Variants in NAV3 observed in about 807,000 individuals in gnomAD.
NAV3 encodes the protein neuron navigator 3.
In NAV3, 87 loss-of-function variants were observed where a neutral mutation model predicts 244.7. That is an observed-to-expected ratio of 0.36 (90% CI 0.30 to 0.42). The LOEUF is 0.42. Among genes scored for constraint, NAV3 ranks in the 20% least tolerant of loss-of-function variants. The pLI is 1.00. For missense variants in NAV3, 2,663 were observed against 2,893.3 expected (o/e 0.92, Z 1.83); for synonymous variants, 1,126 against 1,042.2 (o/e 1.08, Z -1.55).
chr12:77,572,877 A>G (rs1868893822), intron 2 of NAV3, among the ~76,000 whole-genome samples: 1 of 151,326 alleles, frequency 6.6e-6, no homozygotes, highest in Non-Finnish European at 1.5e-5. Flanking sequence ...TGGGGATTGA[A>G]TACTAAGGGA....
At chr12:77,971,323 T>A (rs989672943) in intron 5 of NAV3, among the ~76,000 whole-genome samples, 9 of 152,138 alleles carry the variant, frequency 5.9e-5, no homozygotes, top group Admixed American at 1.3e-4. Context: ...TATAATTTAA[T>A]AAATGTTTAT....
chr12:77,937,534 A>G (rs555112515), intron 1 of NAV3, among the ~76,000 whole-genome samples: 1 of 152,314 alleles, frequency 6.6e-6, no homozygotes, highest in South Asian at 2.1e-4. Flanking sequence ...GTTATCATAA[A>G]ACAAAACCAA....
chr12:77,857,879 C>T (rs1878631413), intron 1 of NAV3, among the ~76,000 whole-genome samples: 1 of 151,846 alleles, frequency 6.6e-6, no homozygotes, highest in African/African-American at 2.4e-5. Context: ...TTTTATGACA[C>T]AGAGTTGATG....
At chr12:77,791,308 C>G (rs866279274) in intron 2 of NAV3, among the ~76,000 whole-genome samples, 3 of 147,732 alleles carry the variant, frequency 2.0e-5, no homozygotes, top group Non-Finnish European at 4.4e-5. Context: ...GAGCCAAGAT[C>G]GCACCATTGC....
intron 2 of NAV3, among the ~76,000 whole-genome samples, chr12:77,725,646 G>A (rs1876844220): frequency 6.6e-6 from 1 of 151,704 alleles, no homozygotes. Flanking sequence ...AAAAAAAAAA[G>A]TGAACTCTTC....
At position 77,713,928 on chromosome 12, in the gene NAV3, C is replaced by G. The variant is rs553274496; in HGVS notation, c.72+141662C>G. Among the ~76,000 whole-genome samples the G allele has an allele frequency of 4.6e-5, 7 of 152,040 alleles. No individual in the cohort carries two copies. In the East Asian group the frequency reaches 1.4e-3, roughly 29 times the overall value. ...TATTATTTCCTGGCAAAATTATGTG[C>G]CCAATAAACATTAGTTGCTAATATT... On this transcript the variant is annotated intron_variant, in intron 2 of 8. Coordinates refer to the NAV3 transcript ENST00000550042.
chr12:77,858,585 A>G (rs1285305359), intron 1 of NAV3, among the ~76,000 whole-genome samples: 2 of 152,180 alleles, frequency 1.3e-5, no homozygotes, highest in South Asian at 2.1e-4. Context: ...TTATTACACT[A>G]TCTCATTGTG....
At chr12:78,035,288 C>T (rs906634609) in intron 9 of NAV3, among the ~76,000 whole-genome samples, 4 of 152,004 alleles carry the variant, frequency 2.6e-5, no homozygotes, top group African/African-American at 9.7e-5. Flanking sequence ...CTCCATTTTC[C>T]CTCATTTGAT....
At chr12:78,208,893 G>T (rs1490208755) in intron 39 of NAV3, among the ~76,000 whole-genome samples, 1 of 152,102 alleles carries the variant, frequency 6.6e-6, no homozygotes, top group Non-Finnish European at 1.5e-5. Context: ...AGCTGCTAAT[G>T]AGTGACAGAT....
chr12:77,934,367 C>T (rs1889119227), intron 1 of NAV3, among the ~76,000 whole-genome samples: 1 of 152,176 alleles, frequency 6.6e-6, no homozygotes, highest in South Asian at 2.1e-4. Context: ...AGGATCACTT[C>T]TTTCTTCCAG....
rs1161516196 is a variant in NAV3 at position 78,140,030 on chromosome 12, G to A, written c.4631-252G>A. Among the ~76,000 whole-genome samples the A allele has an allele frequency of 3.3e-5, 5 of 152,270 alleles. No homozygotes were observed. In the South Asian group the frequency reaches 1.0e-3, roughly 32 times the overall value. On this transcript the variant is annotated intron_variant, in intron 19 of 39. Transcript: ENST00000397909. The stretch of plus-strand genomic sequence containing the variant: ...CTTTCAACATGTACGAAACAGGCTG[G>A]TAGGGCTCATGCTTGTAGGCTTCTG...
At chr12:78,158,577 C>G (rs1271168239) in intron 22 of NAV3, among the ~76,000 whole-genome samples, 1 of 152,100 alleles carries the variant, frequency 6.6e-6, no homozygotes, top group African/African-American at 2.4e-5. Context: ...TTCTAACTGG[C>G]TTACCTGTAT....
chr12:77,828,304 A>G (rs1230150199), upstream of NAV3, among the ~76,000 whole-genome samples: 1 of 152,108 alleles, frequency 6.6e-6, no homozygotes, highest in Admixed American at 6.5e-5. Context: ...CTCACCACAT[A>G]TGGGCCCCTC....
chr12:77,999,950 A>G (rs894106022), intron 7 of NAV3, among the ~76,000 whole-genome samples: 18 of 152,242 alleles, frequency 1.2e-4, no homozygotes, highest in African/African-American at 4.3e-4. Context: ...ATTAAGCAAC[A>G]CGATACCACC....
At chr12:77,603,056 C>T (rs1418010379) in intron 2 of NAV3, among the ~76,000 whole-genome samples, 1 of 152,010 alleles carries the variant, frequency 6.6e-6, no homozygotes, top group African/African-American at 2.4e-5. Flanking sequence ...TGTTATTCTT[C>T]TCTCTAGTCG....
chr12:77,719,876 A>G (rs746922537), intron 2 of NAV3, among the ~76,000 whole-genome samples: 2 of 152,072 alleles, frequency 1.3e-5, no homozygotes, highest in Non-Finnish European at 2.9e-5. Flanking sequence ...TTTTCATTTT[A>G]TTTAATGTTT....
At chr12:77,648,006 CA>C (rs1399118982) in intron 2 of NAV3, among the ~76,000 whole-genome samples, 2 of 152,176 alleles carry the variant, frequency 1.3e-5, no homozygotes, top group East Asian at 3.9e-4. Flanking sequence ...AATAATGACA[CA>C]ACAAAGAGAA....
chr12:77,877,756 G>A (rs1186254791), intron 1 of NAV3, among the ~76,000 whole-genome samples: 1 of 152,052 alleles, frequency 6.6e-6, no homozygotes, highest in Non-Finnish European at 1.5e-5. Flanking sequence ...ACTGTCTTCC[G>A]AAGCGTGCAG....
chr12:77,926,284 T>C (rs1464070828), intron 1 of NAV3, among the ~76,000 whole-genome samples: 1 of 152,180 alleles, frequency 6.6e-6, no homozygotes, highest in Non-Finnish European at 1.5e-5. Flanking sequence ...GATATCTATC[T>C]TTGTCACTAA....
Sources: allele counts gnomAD v4.1 joint callset (sites outside exome capture counted in the v4.1 genomes callset), GRCh38; gene constraint gnomAD v4.1.1; transcripts MANE v1.5; gene names NCBI Gene and HGNC (gene_info 2026-07-23, HGNC 2026-07-21).